ATXN2: variants seen among roughly 807,000 people sequenced by gnomAD.
ATXN2 encodes the protein ataxin 2.
Under a neutral mutation model 138.6 loss-of-function variants are expected in ATXN2, and 37 were observed. That is an observed-to-expected ratio of 0.27 (90% CI 0.21 to 0.35). The LOEUF (loss-of-function observed/expected upper bound fraction) is 0.35. Among genes scored for constraint, ATXN2 ranks in the 10% least tolerant of loss-of-function variants. The pLI, the probability that ATXN2 is intolerant of heterozygous loss-of-function variation, is 1.00. For missense variants in ATXN2, 1,216 were observed against 1,480.3 expected (o/e 0.82, Z 2.93); for synonymous variants, 549 against 543.7 (o/e 1.01, Z -0.13).
At chr12:111,504,844 A>G (rs1212108242) in intron 14 of ATXN2, among the ~76,000 whole-genome samples, 3 of 152,348 alleles carry the variant, frequency 2.0e-5, no homozygotes, top group East Asian at 1.9e-4. Flanking sequence ...TTCACTTAAA[A>G]AAAATCAAAT....
chr12:111,522,660 C>T (rs1880240715), intron 6 of ATXN2, among the ~76,000 whole-genome samples: 1 of 152,034 alleles, frequency 6.6e-6, no homozygotes, highest in East Asian at 1.9e-4. Flanking sequence ...TGCCTGTAAT[C>T]CCAGCACTTT....
chr12:111,538,443 T>TGC (rs1242006243), intron 5 of ATXN2, among the ~76,000 whole-genome samples: 1 of 152,028 alleles, frequency 6.6e-6, no homozygotes, highest in Non-Finnish European at 1.5e-5. Context: ...TCAATCTCCC[T>TGC]GCGCTCAGAT....
At chr12:111,455,996 C>T (rs1829896147) in intron 23 of ATXN2, 33 bp downstream of exon 23, 1 of 1,590,796 alleles carries the variant, frequency 6.3e-7, no homozygotes. Flanking sequence ...TTCTACTTGG[C>T]CTTCACAGAA....
intron 1 of ATXN2, among the ~76,000 whole-genome samples, chr12:111,582,546 T>C (rs1406436490): frequency 1.3e-5 from 2 of 152,062 alleles, no homozygotes; most frequent in African/African-American, 4.8e-5. Context: ...AGTTAAAGGC[T>C]GCAATAAGCC....
At chr12:111,578,175 C>T (rs539757459) in intron 1 of ATXN2, among the ~76,000 whole-genome samples, 3 of 152,144 alleles carry the variant, frequency 2.0e-5, no homozygotes, top group South Asian at 2.1e-4. Context: ...CCAGCCTGGG[C>T]GATAGAGCGA....
At chr12:111,480,459 G>A (rs1592813803) in intron 18 of ATXN2, among the ~76,000 whole-genome samples, 1 of 152,130 alleles carries the variant, frequency 6.6e-6, no homozygotes, top group Non-Finnish European at 1.5e-5. Context: ...GGCAGATCAC[G>A]AGATCAGGAG....
chr12:111,499,230 C>A (rs183964851), intron 14 of ATXN2, among the ~76,000 whole-genome samples: 1 of 152,232 alleles, frequency 6.6e-6, no homozygotes, highest in East Asian at 1.9e-4. Flanking sequence ...TTCTGCACAG[C>A]AAAGGAAACC....
rs1327831438 is a variant in ATXN2 at position 111,485,878 on chromosome 12, C to T, written c.2305-13G>A. On this transcript the variant is annotated splice_polypyrimidine_tract_variant and intron_variant, in intron 16 of 24. Coordinates refer to ENST00000673436, the MANE Select transcript of ATXN2 (RefSeq NM_001372574.1). ...TAGAAGGCTTTGGCTACAAAAACAA[C>T]AATAAATTCAATTATCTCAAGGTAA... is the stretch of plus-strand genomic sequence containing the variant. 1 of 1,612,160 alleles carries T rather than the reference C, an allele frequency of 6.2e-7. No individual in the cohort carries two copies. Among genetic ancestry groups the T allele is most frequent in the Non-Finnish European group, 8.5e-7 (1 of 1,178,886 alleles).
intron 18 of ATXN2, among the ~76,000 whole-genome samples, chr12:111,473,032 T>C (rs190355163): frequency 3.6e-4 from 55 of 152,104 alleles, no homozygotes; most frequent in African/African-American, 1.3e-3. Flanking sequence ...CACCACTTTG[T>C]GAGGCTGACA....
intron 1 of ATXN2, among the ~76,000 whole-genome samples, chr12:111,559,934 T>C (rs1003752499): frequency 1.3e-5 from 2 of 152,312 alleles, no homozygotes; most frequent in East Asian, 1.9e-4. Context: ...GAGTTAATGA[T>C]GCTTTCAAAG....
chr12:111,455,358 A>T lies in ATXN2; in HGVS notation c.3270+671T>A, dbSNP rs1283624717. 3.7e-5 allele frequency: 18 copies of T among 486,046 alleles called. No homozygotes were observed. In the East Asian group the frequency reaches 6.6e-4, roughly 18 times the overall value. The allele number at this position is 486,046 out of a possible 1,614,324, so 30.1% of individuals were successfully genotyped here. A position where few individuals can be genotyped will look rare whatever the true frequency, so the allele number is the denominator to read the frequency against. On this transcript the variant is annotated intron_variant, in intron 23 of 24. Coordinates refer to ENST00000673436, the MANE Select transcript of ATXN2 (RefSeq NM_001372574.1). ...TCAGCAGCTGATGCAGACAGCAACC[A>T]CTGAGATGGCAAGCACACCTTTCAC...
chr12:111,578,058 G>A (rs941851607), intron 1 of ATXN2, among the ~76,000 whole-genome samples: 11 of 152,082 alleles, frequency 7.2e-5, no homozygotes. Flanking sequence ...TTAGCCAGGT[G>A]TGGTGGCACG....
At chr12:111,560,123 GAGC>G (rs1882601156) in intron 1 of ATXN2, among the ~76,000 whole-genome samples, 2 of 152,126 alleles carry the variant, frequency 1.3e-5, no homozygotes, top group South Asian at 4.1e-4. Context: ...TCAGTCTGTG[GAGC>G]AGTTTAGGCC....
chr12:111,474,332 G>T (rs1228352006), intron 18 of ATXN2, among the ~76,000 whole-genome samples: 1 of 152,002 alleles, frequency 6.6e-6, no homozygotes, highest in South Asian at 2.1e-4. Context: ...GAGGTAGAAA[G>T]ATAACTTAAG....
At chr12:111,545,499 G>A (rs897874289) in intron 5 of ATXN2, among the ~76,000 whole-genome samples, 1 of 152,040 alleles carries the variant, frequency 6.6e-6, no homozygotes, top group East Asian at 1.9e-4. Flanking sequence ...AGGAGGCTGA[G>A]GCTGCAGTGA....
intron 1 of ATXN2, among the ~76,000 whole-genome samples, chr12:111,561,744 G>C (rs1044543577): frequency 1.3e-5 from 2 of 151,938 alleles, no homozygotes; most frequent in African/African-American, 4.8e-5. Context: ...TGAGGCACAA[G>C]AATTGCTTGA....
rs1166461979 is a variant in ATXN2 at position 111,452,654 on chromosome 12, TG to T, written c.*157del. 1.2e-6 allele frequency: 1 copy of T among 850,414 alleles called. No homozygotes were observed. Among genetic ancestry groups the T allele is most frequent in the Non-Finnish European group, 1.9e-6 (1 of 526,912 alleles). The allele number at this position is 850,414 out of a possible 1,614,324, so 52.7% of individuals were successfully genotyped here. A position where few individuals can be genotyped will look rare whatever the true frequency, so the allele number is the denominator to read the frequency against. On this transcript the variant is annotated 3_prime_UTR_variant, in exon 25 of 25. Transcript: ENST00000673436. ...TCTACTCGGTCCAAGTATCTTCCAC[TG>T]CAAGTGAACTGTTAGCATTCCTATT...
At chr12:111,518,178 AT>A (rs1466527783) in intron 9 of ATXN2, 70 bp downstream of exon 9, 6 of 1,313,198 alleles carry the variant, frequency 4.6e-6, no homozygotes, top group Non-Finnish European at 6.2e-6. Context: ...TATGTAAACT[AT>A]TTTAAGTATT....
chr12:111,547,806 A>G (rs1881891515), intron 5 of ATXN2, among the ~76,000 whole-genome samples: 2 of 148,610 alleles, frequency 1.3e-5, no homozygotes, highest in Admixed American at 6.7e-5. Context: ...CTTGAACAAC[A>G]TAATAGTCTG....
Sources: gnomAD v4.1 joint callset for allele counts (sites outside exome capture counted in the v4.1 genomes callset) on GRCh38, gnomAD v4.1.1 for gene constraint, MANE v1.5 for transcripts, NCBI Gene and HGNC (gene_info 2026-07-23, HGNC 2026-07-21) for gene names.